CA5A: variants seen among roughly 807,000 people sequenced by gnomAD.
CA5A encodes carbonic anhydrase 5A.
A neutral mutation model predicts 37.1 loss-of-function variants in CA5A; 28 were observed. The ratio of observed to expected loss-of-function variants is 0.75; its 90% CI spans 0.56 to 1.03. The LOEUF (loss-of-function observed/expected upper bound fraction) is 1.03. CA5A is among the 50% of genes least tolerant of loss of function. CA5A has a pLI of 0.00. For missense variants in CA5A, 444 were observed against 399.9 expected, an observed-to-expected ratio of 1.11 and a Z score of -0.94; for synonymous variants, 171 against 158.4, an observed-to-expected ratio of 1.08 and a Z score of -0.60.
In CA5A at chr16:87,891,840, A is replaced by T; in HGVS notation, c.733T>A (p.Trp245Arg). Reference sequence around the variant, plus strand: ...TCAACGGGCTCCTTCTGGATGATCCAGGTGACCGACTCGGTCAGCGGCGGG... The same window carrying T: ...TCAACGGGCTCCTTCTGGATGATCCTGGTGACCGACTCGGTCAGCGGCGGG... ...TTPPLTESVT[W>R]IIQKEPVEVA... The change falls in exon 6 of 7, where the codon TGG becomes AGG. Residue 245 changes from tryptophan (W) to arginine (R), a missense_variant. Physicochemically the swap from Trp to Arg is moderately radical, Grantham distance 101. Coordinates refer to ENST00000649794, the MANE Select transcript of CA5A (RefSeq NM_001739.2). The T allele has an allele frequency of 6.3e-7, 1 of 1,577,656 alleles. No homozygotes were observed. Among genetic ancestry groups the T allele is most frequent in the Non-Finnish European group, 8.6e-7 (1 of 1,165,178 alleles).
chr16:87,887,962 C>G, downstream of CA5A: 1 of 1,040,530 alleles, frequency 9.6e-7, no homozygotes, highest in Non-Finnish European at 1.3e-6. Context: ...CCCCACGGTA[C>G]TTACACATCT....
chr16:87,904,799 G>A lies in CA5A; in HGVS notation c.446C>T (p.Ala149Val), dbSNP rs113386477. 2.4e-5 allele frequency: 39 copies of A among 1,606,028 alleles called. No homozygotes were observed. The highest frequency in any genetic ancestry group is 3.3e-4 in the Middle Eastern group (2 of 6,074). ...GGSEHTVDGH[A>V]YPAELHLVHW... ...ACGTCTACAAACCTCTGCGGGGTACGCGTGGCCGTCCACTGTGTGCTCTGA... is the reference window on the plus strand; with the variant it reads ...ACGTCTACAAACCTCTGCGGGGTACACGTGGCCGTCCACTGTGTGCTCTGA... The change falls in exon 3 of 7, where the codon GCG (alanine) becomes GTG (valine). Residue 149 changes from alanine (A) to valine (V), a missense_variant. Coordinates refer to ENST00000649794, the MANE Select transcript of CA5A (RefSeq NM_001739.2).
Position 87,929,864 on chromosome 16 carries a change from T to C in CA5A, c.143-2919A>G, listed in dbSNP as rs1336151020. Among the ~76,000 whole-genome samples, 4 of 87,418 alleles carry C rather than the reference T, an allele frequency of 4.6e-5. No individual in the cohort carries two copies. In the Admixed American group the frequency reaches 5.7e-4, roughly 12 times the overall value. 57.3% of individuals were successfully genotyped at this position (87,418 alleles called of 152,430 possible). On this transcript the variant is annotated intron_variant, in intron 1 of 6. Transcript: ENST00000649794. ...TCCAGCCTGGGCAATACAGCGAGAC[T>C]CCGTCTCAAAAAAAAAAAAAAAAAA...
chr16:87,927,818 G>A (rs914873027), intron 1 of CA5A, among the ~76,000 whole-genome samples: 3 of 146,590 alleles, frequency 2.0e-5, no homozygotes, highest in African/African-American at 5.1e-5. Flanking sequence ...CCGAGATCGC[G>A]CCACTGCACT....
chr16:87,882,023 G>T (rs1047084162), intron 4 of CA5A: 1 of 152,222 alleles, frequency 6.6e-6, no homozygotes, highest in African/African-American at 2.4e-5. Context: ...CATGGGGCCG[G>T]TAGAACTGGA....
rs10590634 is a variant in CA5A, at chr16:87,911,609, GAC to G, written c.341-6707_341-6706del. On this transcript the variant is annotated intron_variant, in intron 2 of 6. Coordinates refer to ENST00000649794, the MANE Select transcript of CA5A (RefSeq NM_001739.2). The surrounding 1 kb of genome is among the most constrained non-coding windows in gnomAD (Gnocchi z 4.6). ...TGCACGTTCCCAAGCTGTAAAGGGT[GAC>G]ACGGCTGAGGGCTTCTGTGTGCCAC... Among the ~76,000 whole-genome samples the G allele has an allele frequency of 0.15, 23,398 of 152,182 alleles. 1,968 individuals are homozygous for G. Among genetic ancestry groups the G allele is most frequent in the South Asian group, 0.25 (1,185 of 4,818 alleles).
At chr16:87,890,470 G>A (rs1375485064) in intron 6 of CA5A, among the ~76,000 whole-genome samples, 1 of 152,202 alleles carries the variant, frequency 6.6e-6, no homozygotes. Flanking sequence ...GAGATGCTAA[G>A]TCGCGCTGCG....
chr16:87,930,195 C>T (rs983235656), intron 1 of CA5A, among the ~76,000 whole-genome samples: 2 of 152,166 alleles, frequency 1.3e-5, no homozygotes, highest in African/African-American at 4.8e-5. Context: ...CGTGCATTCC[C>T]GTGCTCCGAC....
At chr16:87,910,970 G>C (rs1053159049) in intron 2 of CA5A, among the ~76,000 whole-genome samples, 33 of 151,936 alleles carry the variant, frequency 2.2e-4, no homozygotes, top group African/African-American at 8.0e-4. Flanking sequence ...GGCTGGTCTT[G>C]AACTCTTGAC....
intron 5 of CA5A, among the ~76,000 whole-genome samples, chr16:87,892,696 G>A (rs1597543128): frequency 7.2e-6 from 1 of 139,596 alleles, no homozygotes. Flanking sequence ...TTTTCGAGAT[G>A]GAGTTTTGCT....
intron 5 of CA5A, among the ~76,000 whole-genome samples, chr16:87,901,556 G>C (rs922222618): frequency 1.3e-5 from 2 of 151,372 alleles, no homozygotes; most frequent in African/African-American, 4.9e-5. Context: ...AAACAATTTT[G>C]CTTGTCAGAT....
chr16:87,926,408 G>T (rs374837309), intron 2 of CA5A, among the ~76,000 whole-genome samples: 2 of 152,114 alleles, frequency 1.3e-5, no homozygotes, highest in Non-Finnish European at 2.9e-5. Context: ...TTCCTCTTCC[G>T]ACGCGCAAAG....
chr16:87,899,796 G>T (rs1485200216), intron 5 of CA5A, among the ~76,000 whole-genome samples: 1 of 150,440 alleles, frequency 6.6e-6, no homozygotes, highest in Non-Finnish European at 1.5e-5. Flanking sequence ...GGTGGGCGCC[G>T]GTACTTCCAG....
intron 5 of CA5A, among the ~76,000 whole-genome samples, chr16:87,899,295 CTTTTTTT>C (rs774174056): frequency 1.2e-5 from 1 of 85,842 alleles, no homozygotes; most frequent in African/African-American, 4.7e-5. Context: ...CTCCTAAGGT[CTTTTTTT>C]TTTTTTTTTT....
At chr16:87,896,983 G>A (rs1002456091) in intron 5 of CA5A, among the ~76,000 whole-genome samples, 1 of 152,242 alleles carries the variant, frequency 6.6e-6, no homozygotes, top group Admixed American at 6.5e-5. Flanking sequence ...CATTTTATGA[G>A]CGTCAAGCCC....
chr16:87,906,279 G>A (rs917415425), intron 2 of CA5A, among the ~76,000 whole-genome samples: 8 of 151,896 alleles, frequency 5.3e-5, no homozygotes, highest in East Asian at 3.9e-4. Context: ...CACTGAGCGC[G>A]TGATGAATGC....
intron 6 of CA5A, among the ~76,000 whole-genome samples, chr16:87,889,362 T>A (rs1173265605): frequency 6.6e-6 from 1 of 152,164 alleles, no homozygotes; most frequent in Non-Finnish European, 1.5e-5. Context: ...CTCAAATGAT[T>A]GTTTTCTAAA....
chr16:87,926,095 C>T (rs2056304600), intron 2 of CA5A, among the ~76,000 whole-genome samples: 1 of 152,174 alleles, frequency 6.6e-6, no homozygotes, highest in Non-Finnish European at 1.5e-5. Context: ...TGGTGGCAGA[C>T]ACCTGTAATC....
intron 5 of CA5A, among the ~76,000 whole-genome samples, chr16:87,900,423 T>C (rs1175189017): frequency 6.6e-6 from 1 of 152,042 alleles, no homozygotes; most frequent in Non-Finnish European, 1.5e-5. Flanking sequence ...AGATCAAACG[T>C]CTCCTTGAAC....
Sources: allele counts gnomAD v4.1 joint callset (sites outside exome capture counted in the v4.1 genomes callset), GRCh38; gene constraint gnomAD v4.1.1; non-coding constraint Gnocchi (gnomAD v3.1); transcripts MANE v1.5; gene names NCBI Gene and HGNC (gene_info 2026-07-23, HGNC 2026-07-21).